Variants in ITGB5 observed in about 807,000 individuals in gnomAD.
ITGB5 encodes the protein integrin subunit beta 5.
Under a neutral mutation model 84.8 loss-of-function variants are expected in ITGB5, and 38 were observed. The ratio of observed to expected loss-of-function variants is 0.45; its 90% CI spans 0.35 to 0.59. The LOEUF (loss-of-function observed/expected upper bound fraction) is 0.59, where lower values mean the gene tolerates loss of function less well. Among genes scored for constraint, ITGB5 ranks in the 20% least tolerant of loss-of-function variants. The pLI is 0.01. For synonymous variants in ITGB5, 393 were observed against 414.4 expected (o/e 0.95, Z 0.63); for missense variants, 905 against 1,034.5 (o/e 0.87, Z 1.72).
At chr3:124,858,837 C>T (rs1372387434) in intron 3 of ITGB5, among the ~76,000 whole-genome samples, 1 of 152,014 alleles carries the variant, frequency 6.6e-6, no homozygotes, top group Non-Finnish European at 1.5e-5. Context: ...TTACCAGGAA[C>T]CAAGGGAAAG....
chr3:124,854,826 A>ATTTTTAT, intron 3 of ITGB5, among the ~76,000 whole-genome samples: 1 of 152,286 alleles, frequency 6.6e-6, no homozygotes, highest in Middle Eastern at 3.4e-3. Context: ...ATTCTTTTTA[A>ATTTTTAT]TTTTTATTTC....
intron 10 of ITGB5, among the ~76,000 whole-genome samples, chr3:124,775,310 A>G (rs1190218936): frequency 6.7e-6 from 1 of 148,762 alleles, no homozygotes; most frequent in Non-Finnish European, 1.5e-5. Context: ...ATGAGTGTGT[A>G]CAAGTGTGAG....
chr3:124,857,202 C>CA, intron 3 of ITGB5: 1 of 152,352 alleles, frequency 6.6e-6, no homozygotes, highest in South Asian at 2.1e-4. Context: ...ATAACCACAG[C>CA]AACAACAACG....
chr3:124,859,497 G>T, intron 2 of ITGB5, 51 bp from the exon 3 acceptor site: 4 of 1,458,142 alleles, frequency 2.7e-6, no homozygotes, highest in South Asian at 1.2e-5. Context: ...GGTGTCTCCC[G>T]AAAACATCGC....
chr3:124,856,437 T>A (rs1465066458), intron 3 of ITGB5, among the ~76,000 whole-genome samples: 1 of 152,212 alleles, frequency 6.6e-6, no homozygotes, highest in Non-Finnish European at 1.5e-5. Flanking sequence ...CTATTCTAGA[T>A]GAGGAGTTCA....
intron 14 of ITGB5, 114 bp downstream of exon 14, chr3:124,764,277 C>T (rs1364178477): frequency 2.6e-6 from 3 of 1,137,800 alleles, no homozygotes; most frequent in Non-Finnish European, 3.7e-6. Context: ...GGTGTTGATT[C>T]TTTTGTTTTT....
intron 5 of ITGB5, among the ~76,000 whole-genome samples, chr3:124,824,062 C>T (rs1282342135): frequency 6.6e-6 from 1 of 152,162 alleles, no homozygotes; most frequent in Non-Finnish European, 1.5e-5. Context: ...CCTAGAAGGC[C>T]TTTTTGAGAA....
At chr3:124,817,435 A>G (rs978722676) in intron 8 of ITGB5, among the ~76,000 whole-genome samples, 186 bp downstream of exon 8, 1 of 152,152 alleles carries the variant, frequency 6.6e-6, no homozygotes, top group African/African-American at 2.4e-5. Context: ...CTCATCAAGC[A>G]AGGATGGGTT....
At chr3:124,872,415 G>A (rs1339860663) in intron 2 of ITGB5, among the ~76,000 whole-genome samples, 1 of 152,124 alleles carries the variant, frequency 6.6e-6, no homozygotes, top group African/African-American at 2.4e-5. Context: ...CAGAGATATT[G>A]TATGATGTAC....
intron 1 of ITGB5, among the ~76,000 whole-genome samples, chr3:124,893,428 T>C (rs1935040911): frequency 6.6e-6 from 1 of 152,124 alleles, no homozygotes; most frequent in South Asian, 2.1e-4. Flanking sequence ...AAAATTAAAA[T>C]GATTAACTTT....
chr3:124,819,945 CT>C, intron 6 of ITGB5, 111 bp from the exon 7 acceptor site: 1 of 812,046 alleles, frequency 1.2e-6, no homozygotes. Context: ...GCACCTTTTC[CT>C]TAGGTGGCCC....
chr3:124,852,119 C>G (rs771356498), intron 3 of ITGB5, among the ~76,000 whole-genome samples: 1 of 152,172 alleles, frequency 6.6e-6, no homozygotes, highest in Non-Finnish European at 1.5e-5. Flanking sequence ...AGACTTTAAG[C>G]CAATCGCCAC....
At chr3:124,802,312 C>CGTG (rs2064328196) in intron 9 of ITGB5, among the ~76,000 whole-genome samples, 1 of 152,222 alleles carries the variant, frequency 6.6e-6, no homozygotes, top group Admixed American at 6.5e-5. Flanking sequence ...GAGGGAAATA[C>CGTG]TCACACACTC....
rs2065261924 is a variant in ITGB5 at position 124,859,249 on chromosome 3, G to C, written c.354C>G (p.Leu118=). 5.6e-6 allele frequency: 9 copies of C among 1,613,708 alleles called. No individual in the cohort carries two copies. The highest frequency in any genetic ancestry group is 1.3e-5 in the African/African-American group (1 of 74,890). The change falls in exon 3 of 15, where the codon CTC becomes CTG. Residue 118 remains leucine (L), a synonymous_variant. Coordinates refer to ENST00000296181, the MANE Select transcript of ITGB5 (RefSeq NM_002213.5). ...TTTCTGTGGGCAACTCACCGGGCCGGAGGTTCACGGCAATCTCCTGTGGTG... is the reference window on the plus strand; with the variant it reads ...TTTCTGTGGGCAACTCACCGGGCCGCAGGTTCACGGCAATCTCCTGTGGTG... ...QMTPQEIAVN[L]RPGDKTTFQL... is the part of the protein sequence containing the mutation.
At chr3:124,802,457 T>C (rs1490605101) in intron 9 of ITGB5, among the ~76,000 whole-genome samples, 2 of 152,154 alleles carry the variant, frequency 1.3e-5, no homozygotes, top group Admixed American at 6.5e-5. Flanking sequence ...AGTGCACCCC[T>C]TCTGTCTTGG....
upstream of ITGB5, among the ~76,000 whole-genome samples, chr3:124,892,384 C>T (rs1935017882): frequency 6.6e-6 from 1 of 150,780 alleles, no homozygotes; most frequent in South Asian, 2.2e-4. Context: ...GAATGGTAAA[C>T]TTAAAAATAG....
At chr3:124,774,187 G>A (rs1001782834) in intron 10 of ITGB5, among the ~76,000 whole-genome samples, 1 of 152,222 alleles carries the variant, frequency 6.6e-6, no homozygotes, top group Non-Finnish European at 1.5e-5. Context: ...AGGACCCAGG[G>A]AAGCTTCCTC....
chr3:124,886,891 C>A (rs1192063803), intron 1 of ITGB5, 40 bp downstream of exon 1: 5 of 1,187,216 alleles, frequency 4.2e-6, no homozygotes, highest in Non-Finnish European at 5.2e-6. Context: ...GCTGAGTGTG[C>A]GACAAAGTTT....
intron 11 of ITGB5, among the ~76,000 whole-genome samples, chr3:124,771,428 G>A (rs1262960775): frequency 1.3e-5 from 2 of 152,146 alleles, no homozygotes; most frequent in Admixed American, 1.3e-4. Context: ...AAGAGACAGA[G>A]GGTCAGTGTG....
Sources: allele counts gnomAD v4.1 joint callset (sites outside exome capture counted in the v4.1 genomes callset), GRCh38; gene constraint gnomAD v4.1.1; transcripts MANE v1.5; gene names NCBI Gene and HGNC (gene_info 2026-07-23, HGNC 2026-07-21).